ABHD17C: variants seen among roughly 807,000 people sequenced by gnomAD.
ABHD17C encodes the protein abhydrolase domain containing 17C, depalmitoylase.
A neutral mutation model predicts 27.9 loss-of-function variants in ABHD17C; 11 were observed. That is an observed-to-expected ratio of 0.39 (90% CI 0.25 to 0.65). ABHD17C has a LOEUF of 0.65. Ranked by LOEUF, ABHD17C falls within the 30% of genes least tolerant of loss-of-function variation. ABHD17C has a pLI of 0.45. For missense variants in ABHD17C, 280 were observed against 470.2 expected (o/e 0.60, Z 3.74); for synonymous variants, 233 against 209.1 (o/e 1.11, Z -0.98).
At chr15:80,740,338 C>T (rs1895193232) in intron 1 of ABHD17C, among the ~76,000 whole-genome samples, 1 of 152,124 alleles carries the variant, frequency 6.6e-6, no homozygotes. Context: ...TGATCAGAAA[C>T]ATCATGGATT....
intron 1 of ABHD17C, among the ~76,000 whole-genome samples, chr15:80,723,241 C>T (rs1353902315): frequency 6.6e-6 from 1 of 151,840 alleles, no homozygotes; most frequent in Non-Finnish European, 1.5e-5. Flanking sequence ...TCATTGTGAG[C>T]TGCCAAGGCT....
At chr15:80,750,713 A>G (rs1173382371) in intron 2 of ABHD17C, among the ~76,000 whole-genome samples, 1 of 152,146 alleles carries the variant, frequency 6.6e-6, no homozygotes, top group Non-Finnish European at 1.5e-5. Flanking sequence ...GTTGCACTGC[A>G]GATTTATAGT....
intron 1 of ABHD17C, among the ~76,000 whole-genome samples, chr15:80,707,230 G>A (rs1333147383): frequency 6.6e-6 from 1 of 152,200 alleles, no homozygotes; most frequent in Non-Finnish European, 1.5e-5. Flanking sequence ...ATGGGAAAGT[G>A]TGGATGATTT....
chr15:80,734,828 T>C (rs2141513620), intron 1 of ABHD17C, among the ~76,000 whole-genome samples: 1 of 152,368 alleles, frequency 6.6e-6, no homozygotes, highest in African/African-American at 2.4e-5. Flanking sequence ...TGGATGCTGC[T>C]TTACAAAAAT....
At chr15:80,749,842 G>A in intron 2 of ABHD17C, 150 bp downstream of exon 2, 1 of 918,770 alleles carries the variant, frequency 1.1e-6, no homozygotes, top group East Asian at 2.6e-5. Flanking sequence ...GAGCAAATAT[G>A]ACACACACTG....
At chr15:80,745,746 C>T (rs539186709) in intron 1 of ABHD17C, among the ~76,000 whole-genome samples, 38 of 152,266 alleles carry the variant, frequency 2.5e-4, no homozygotes, top group Non-Finnish European at 4.7e-4. Context: ...AACTTACCCA[C>T]GTAACCAAAA....
intron 1 of ABHD17C, among the ~76,000 whole-genome samples, chr15:80,729,322 G>T (rs1895025486): frequency 6.6e-6 from 1 of 152,116 alleles, no homozygotes; most frequent in African/African-American, 2.4e-5. Flanking sequence ...CATAAATTCT[G>T]CCTTGTGCCC....
At chr15:80,744,299 A>G (rs1895253676) in intron 1 of ABHD17C, among the ~76,000 whole-genome samples, 2 of 152,186 alleles carry the variant, frequency 1.3e-5, no homozygotes, top group South Asian at 2.1e-4. Flanking sequence ...TTTCCCAAGT[A>G]ATTCAGATAC....
chr15:80,726,860 G>C (rs1567035234), intron 1 of ABHD17C, among the ~76,000 whole-genome samples: 1 of 152,148 alleles, frequency 6.6e-6, no homozygotes, highest in Non-Finnish European at 1.5e-5. Flanking sequence ...TGTAGTTAAG[G>C]AATGTGCCAT....
At chr15:80,753,842 T>C (rs1429582586) in intron 2 of ABHD17C, among the ~76,000 whole-genome samples, 1 of 152,236 alleles carries the variant, frequency 6.6e-6, no homozygotes, top group Non-Finnish European at 1.5e-5. Context: ...TGTTATGATA[T>C]GTTAATGTAG....
At chr15:80,743,622 G>A (rs999513565) in intron 1 of ABHD17C, among the ~76,000 whole-genome samples, 27 of 151,848 alleles carry the variant, frequency 1.8e-4, no homozygotes, top group African/African-American at 6.0e-4. Flanking sequence ...CACTCCCATC[G>A]CCCAGACTGG....
At chr15:80,722,646 A>G (rs1043434701) in intron 1 of ABHD17C, among the ~76,000 whole-genome samples, 6 of 151,860 alleles carry the variant, frequency 4.0e-5, no homozygotes, top group African/African-American at 9.7e-5. Context: ...CATATGCTCT[A>G]TACTGTACGG....
At position 80,724,067 on chromosome 15, in the gene ABHD17C, G is replaced by A. The variant is rs555502119; in HGVS notation, c.591-25446G>A. Among the ~76,000 whole-genome samples the A allele has an allele frequency of 8.7e-4, 132 of 152,220 alleles. 1 individual carries two copies. Among genetic ancestry groups the A allele is most frequent in the African/African-American group, 3.2e-3 (131 of 41,550 alleles). ...AAAATACAAAAATTAGCTGGGTGTG[G>A]TGGTGGACACCTGTAATCCTTGATA... On this transcript the variant is annotated intron_variant, in intron 1 of 2. Coordinates refer to ENST00000258884, the MANE Select transcript of ABHD17C (RefSeq NM_021214.2).
At chr15:80,719,837 G>A (rs545492951) in intron 1 of ABHD17C, among the ~76,000 whole-genome samples, 2 of 151,980 alleles carry the variant, frequency 1.3e-5, no homozygotes, top group South Asian at 2.1e-4. Flanking sequence ...TTGTTCTATC[G>A]CTCAGGATGG....
chr15:80,710,567 G>A (rs1418295315), intron 1 of ABHD17C, among the ~76,000 whole-genome samples: 1 of 152,180 alleles, frequency 6.6e-6, no homozygotes, highest in Non-Finnish European at 1.5e-5. Flanking sequence ...CAGAGTGTTA[G>A]CAACAGCGGT....
intron 1 of ABHD17C, among the ~76,000 whole-genome samples, chr15:80,699,885 G>A (rs551356900): frequency 3.9e-5 from 6 of 152,310 alleles, no homozygotes; most frequent in South Asian, 2.1e-4. Flanking sequence ...AGCTCATTGA[G>A]CATGATGGAG....
At chr15:80,729,274 T>C (rs973598979) in intron 1 of ABHD17C, among the ~76,000 whole-genome samples, 7 of 152,220 alleles carry the variant, frequency 4.6e-5, no homozygotes, top group African/African-American at 1.7e-4. Context: ...CTGAGGTATT[T>C]ATTATGTAAT....
chr15:80,695,858 G>T lies in ABHD17C; in HGVS notation c.429G>T (p.Val143=), dbSNP rs749248155. 6.3e-7 allele frequency: 1 copy of T among 1,595,540 alleles called. No homozygotes were observed. Among genetic ancestry groups the T allele is most frequent in the South Asian group, 1.1e-5 (1 of 90,498 alleles). Residue 143 remains valine, a synonymous_variant, in exon 1 of 3, where the codon GTG becomes GTT. Transcript: ENST00000258884. This position sits in a 1 kb window ranked among gnomAD's most constrained non-coding sequence, Gnocchi z 4.3. ...YTLLFSHGNA[V]DLGQMCSFYI... ...TGCTCTTCTCGCACGGCAACGCCGT[G>T]GACCTGGGCCAGATGTGCAGCTTCT... is the stretch of plus-strand genomic sequence containing the variant.
At chr15:80,705,333 T>TTTTTGTGTGTGTGTGTGTGTGTG (rs10523879) in intron 1 of ABHD17C, among the ~76,000 whole-genome samples, 1 of 106,822 alleles carries the variant, frequency 9.4e-6, no homozygotes, top group African/African-American at 3.5e-5. Context: ...TTCCTATGAT[T>TTTTTGTGTGTGTGTGTGTGTGTG]TGTGTGTGTG....
Sources: gnomAD v4.1 joint callset for allele counts (sites outside exome capture counted in the v4.1 genomes callset) on GRCh38, gnomAD v4.1.1 for gene constraint, Gnocchi (gnomAD v3.1) non-coding constraint, MANE v1.5 for transcripts, NCBI Gene and HGNC (gene_info 2026-07-23, HGNC 2026-07-21) for gene names.